The following PRDM16 variants were observed in gnomAD, a reference collection of about 807,000 sequenced individuals.
The protein encoded by PRDM16 is PR/SET domain 16.
PRDM16 carries 23 observed loss-of-function variants against 110.6 expected under a neutral mutation model. The ratio of observed to expected loss-of-function variants is 0.21; its 90% CI spans 0.15 to 0.29. The LOEUF (loss-of-function observed/expected upper bound fraction) is 0.29. Ranked by LOEUF, PRDM16 falls within the 10% of genes least tolerant of loss-of-function variation. The pLI is 1.00. For missense variants in PRDM16, 1,615 were observed against 1,794.3 expected, an observed-to-expected ratio of 0.90 and a Z score of 1.81; for synonymous variants, 799 against 781.8, an observed-to-expected ratio of 1.02 and a Z score of -0.37.
chr1:3,391,699 C>T (rs953799740), intron 4 of PRDM16, among the ~76,000 whole-genome samples: 11 of 152,234 alleles, frequency 7.2e-5, no homozygotes, highest in African/African-American at 1.7e-4. Flanking sequence ...TGGCGAAGCC[C>T]GGGACTCCAG....
intron 3 of PRDM16, among the ~76,000 whole-genome samples, chr1:3,346,541 G>T (rs541716969): frequency 1.3e-5 from 2 of 152,146 alleles, no homozygotes; most frequent in Non-Finnish European, 2.9e-5. Flanking sequence ...TCACCCTGCT[G>T]TCTCCTTTCT....
rs142296809 is a variant in PRDM16, at chr1:3,269,859, G to T, written c.438+25722G>T. 1.0e-4 allele frequency among the ~76,000 whole-genome samples: 15 copies of T among 144,326 alleles called. 1 individual carries two copies. The highest frequency in any genetic ancestry group is 3.3e-4 in the African/African-American group (13 of 39,092). The allele number at this position is 144,326 out of a possible 152,430, so 94.7% of individuals were successfully genotyped here. ...CCCAGAGGATGAAAGTCCCAGAGGAGGAAAGTCCCAGAGGAGGAAAGTCCC... is the reference window on the plus strand; with the variant it reads ...CCCAGAGGATGAAAGTCCCAGAGGATGAAAGTCCCAGAGGAGGAAAGTCCC... On this transcript the variant is annotated intron_variant, in intron 3 of 16. Transcript: ENST00000270722.
At position 3,152,468 on chromosome 1, in the gene PRDM16, C is replaced by G. The variant is rs114399907; in HGVS notation, c.38-33657C>G. Among the ~76,000 whole-genome samples, 1,154 of 152,306 alleles carry G rather than the reference C, an allele frequency of 7.6e-3. 13 individuals are homozygous for G. The highest frequency in any genetic ancestry group is 0.026 in the African/African-American group (1,069 of 41,568). ...GTCTCAACCTGCCAAGCAGTGGCTA[C>G]TCTCTGGCTCCTGAATCCTCTGAGC... On this transcript the variant is annotated intron_variant, in intron 1 of 16. Coordinates refer to ENST00000270722, the MANE Select transcript of PRDM16 (RefSeq NM_022114.4).
intron 2 of PRDM16, among the ~76,000 whole-genome samples, chr1:3,204,314 C>A (rs1448887893): frequency 6.6e-6 from 1 of 152,108 alleles, no homozygotes; most frequent in African/African-American, 2.4e-5. Flanking sequence ...ACTGTGGACC[C>A]CGCCTGCTCC....
intron 2 of PRDM16, among the ~76,000 whole-genome samples, chr1:3,196,971 A>AG (rs1168943954): frequency 6.6e-6 from 1 of 152,174 alleles, no homozygotes; most frequent in African/African-American, 2.4e-5. Flanking sequence ...ACTGTTGCCC[A>AG]GGGGGGTCTG....
chr1:3,213,059 G>A lies in PRDM16; in HGVS notation c.387+26585G>A, dbSNP rs530070464. Among the ~76,000 whole-genome samples the A allele has an allele frequency of 5.9e-5, 9 of 152,204 alleles. No homozygotes were observed. The highest frequency in any genetic ancestry group is 1.3e-4 in the Non-Finnish European group (9 of 68,042). Reference sequence around the variant, plus strand: ...AAAGGAAAGCGGGGTCGGCTCGCCCGCCTGCCGCACGCTTCCCCGGGAGGC... The same window carrying A: ...AAAGGAAAGCGGGGTCGGCTCGCCCACCTGCCGCACGCTTCCCCGGGAGGC... On this transcript the variant is annotated intron_variant, in intron 2 of 16. Transcript: ENST00000270722. The surrounding 1 kb of genome is among the most constrained non-coding windows in gnomAD (Gnocchi z 5.3).
chr1:3,162,237 C>A (rs1643904330), intron 1 of PRDM16, among the ~76,000 whole-genome samples: 1 of 152,302 alleles, frequency 6.6e-6, no homozygotes, highest in East Asian at 1.9e-4. Flanking sequence ...CCAGGAAAAC[C>A]CCGTGCCCGG....
intron 3 of PRDM16, among the ~76,000 whole-genome samples, chr1:3,364,300 G>C (rs370352561): frequency 6.6e-6 from 1 of 152,174 alleles, no homozygotes. Flanking sequence ...GTGGTTTATC[G>C]GTTCTTCAGG....
In PRDM16 at chr1:3,396,246, A is replaced by G. The variant is rs1228922867; in HGVS notation, c.574-245A>G. On this transcript the variant is annotated intron_variant, in intron 4 of 16. Coordinates refer to ENST00000270722, the MANE Select transcript of PRDM16 (RefSeq NM_022114.4). ...AGCTGGGAACTTTCATGTGGATCCT[A>G]CCTGTTTAGTCGGCCACCCCCTTTA... 1.3e-5 allele frequency: 7 copies of G among 552,466 alleles called. No individual in the cohort carries two copies. In the East Asian group the frequency reaches 3.0e-4, roughly 24 times the overall value. 34.2% of individuals were successfully genotyped at this position (552,466 alleles called of 1,614,324 possible). A position where few individuals can be genotyped will look rare whatever the true frequency, so the allele number is the denominator to read the frequency against.
intron 1 of PRDM16, among the ~76,000 whole-genome samples, chr1:3,095,775 G>T (rs1165651054): frequency 6.6e-6 from 1 of 152,008 alleles, no homozygotes; most frequent in Non-Finnish European, 1.5e-5. Context: ...GGAGTTGGGG[G>T]TGATGTATGG....
chr1:3,266,763 C>T (rs1025283705), intron 3 of PRDM16, among the ~76,000 whole-genome samples: 1 of 152,238 alleles, frequency 6.6e-6, no homozygotes, highest in African/African-American at 2.4e-5. Flanking sequence ...GCAACCTCTG[C>T]CTCCCAGGGT....
At chr1:3,312,020 A>G (rs1348705332) in intron 3 of PRDM16, among the ~76,000 whole-genome samples, 1 of 152,146 alleles carries the variant, frequency 6.6e-6, no homozygotes, top group Non-Finnish European at 1.5e-5. Context: ...AAGGCTCTGG[A>G]GTGTCCAGCC....
rs1018446664 is a variant in PRDM16, at chr1:3,201,212, A to T, written c.387+14738A>T. On this transcript the variant is annotated intron_variant, in intron 2 of 16. Coordinates refer to ENST00000270722, the MANE Select transcript of PRDM16 (RefSeq NM_022114.4). The surrounding 1 kb of genome is among the most constrained non-coding windows in gnomAD (Gnocchi z 4.1). ...GGCTGCATTTTGATAAAAGCCTTCA[A>T]ACTCCATTCATATGATCATAGGAGC... 6.6e-6 allele frequency among the ~76,000 whole-genome samples: 1 copy of T among 152,204 alleles called. No homozygotes were observed. The highest frequency in any genetic ancestry group is 6.5e-5 in the Admixed American group (1 of 15,286).
At chr1:3,086,854 G>A (rs1415993149) in intron 1 of PRDM16, among the ~76,000 whole-genome samples, 2 of 152,166 alleles carry the variant, frequency 1.3e-5, no homozygotes, top group Admixed American at 1.3e-4. Flanking sequence ...GGAGATTTCA[G>A]TGAAAAATGA....
At chr1:3,129,334 C>T (rs1455656836) in intron 1 of PRDM16, among the ~76,000 whole-genome samples, 2 of 86,184 alleles carry the variant, frequency 2.3e-5, no homozygotes, top group Non-Finnish European at 4.6e-5. Flanking sequence ...GGGTGTGTGT[C>T]CTGCCTGGTT....
chr1:3,269,395 G>T (rs1458877690), intron 3 of PRDM16, among the ~76,000 whole-genome samples: 2 of 149,544 alleles, frequency 1.3e-5, no homozygotes, highest in Non-Finnish European at 1.5e-5. Context: ...GGACAGTCCC[G>T]GAGGAGGACA....
At chr1:3,127,695 C>G (rs1643238775) in intron 1 of PRDM16, among the ~76,000 whole-genome samples, 2 of 152,250 alleles carry the variant, frequency 1.3e-5, no homozygotes, top group African/African-American at 4.8e-5. Flanking sequence ...CCCCCTGGGC[C>G]ATGTCCCCCT....
chr1:3,198,244 G>A (rs115453128), intron 2 of PRDM16, among the ~76,000 whole-genome samples: 455 of 152,318 alleles, frequency 3.0e-3, no homozygotes, highest in South Asian at 9.5e-3. Flanking sequence ...GGGCCAGGTC[G>A]GCGCAGGGCA....
intron 2 of PRDM16, among the ~76,000 whole-genome samples, chr1:3,203,887 G>C (rs1638689458): frequency 6.6e-6 from 1 of 152,142 alleles, no homozygotes; most frequent in South Asian, 2.1e-4. Flanking sequence ...CAACTATCTG[G>C]GCCTGGGCAT....
Sources: gnomAD v4.1 joint callset for allele counts (sites outside exome capture counted in the v4.1 genomes callset) on GRCh38, gnomAD v4.1.1 for gene constraint, Gnocchi (gnomAD v3.1) non-coding constraint, MANE v1.5 for transcripts, NCBI Gene and HGNC (gene_info 2026-07-23, HGNC 2026-07-21) for gene names.